THSD7B: variants seen among roughly 807,000 people sequenced by gnomAD.
The protein encoded by THSD7B is thrombospondin type 1 domain containing 7B, also known as thrombospondin type-1 domain-containing protein 7B.
A neutral mutation model predicts 213.6 loss-of-function variants in THSD7B; 138 were observed. The ratio of observed to expected loss-of-function variants is 0.65; its 90% confidence interval spans 0.56 to 0.74. The LOEUF is 0.74. THSD7B is among the 30% of genes least tolerant of loss of function. The pLI is 0.00. For missense variants in THSD7B, 1,931 were observed against 1,991.5 expected (o/e 0.97, Z 0.58); for synonymous variants, 742 against 687.0 (o/e 1.08, Z -1.25).
chr2:137,574,123 C>T (rs970450654), intron 17 of THSD7B, among the ~76,000 whole-genome samples: 3 of 152,022 alleles, frequency 2.0e-5, no homozygotes, highest in African/African-American at 4.8e-5. Flanking sequence ...CTAATTTACT[C>T]ACAGAAGACT....
At chr2:137,076,588 C>G (rs917316138) in intron 3 of THSD7B, among the ~76,000 whole-genome samples, 1 of 152,162 alleles carries the variant, frequency 6.6e-6, no homozygotes, top group South Asian at 2.1e-4. Context: ...GTGCGCTGCA[C>G]CCACCGTCCT....
chr2:137,352,588 A>G (rs551564050), intron 12 of THSD7B, among the ~76,000 whole-genome samples: 12 of 152,008 alleles, frequency 7.9e-5, no homozygotes, highest in Non-Finnish European at 1.2e-4. Flanking sequence ...CAGGATTCAA[A>G]TTTTCTGCCA....
chr2:137,525,371 T>G (rs1680259393), intron 15 of THSD7B, among the ~76,000 whole-genome samples: 1 of 152,176 alleles, frequency 6.6e-6, no homozygotes. Context: ...CCTAGGTAGC[T>G]GCAAACCTCT....
At chr2:137,128,403 C>A (rs1688665379) in intron 5 of THSD7B, among the ~76,000 whole-genome samples, 1 of 152,142 alleles carries the variant, frequency 6.6e-6, no homozygotes, top group Non-Finnish European at 1.5e-5. Context: ...TTATCAACAA[C>A]CATTGTGACA....
intron 6 of THSD7B, among the ~76,000 whole-genome samples, chr2:137,166,016 G>A (rs1239424107): frequency 6.6e-6 from 1 of 152,152 alleles, no homozygotes; most frequent in Non-Finnish European, 1.5e-5. Flanking sequence ...GAAGAAATTA[G>A]TTACTATAGA....
rs117358631 is a variant in THSD7B, at chr2:136,973,257, T to C, written c.140-83163T>C. ...TCTGTACTGTCCATTCTGAATGTTA[T>C]GCTTCCTTAGCTGACCTCGCTTTCC... On this transcript the variant is annotated intron_variant, in intron 2 of 27. Transcript: ENST00000409968. Among the ~76,000 whole-genome samples, 249 of 152,312 alleles carry C rather than the reference T, an allele frequency of 1.6e-3. 4 individuals carry two copies. The East Asian group carries it at 0.044, about 27-fold the overall frequency.
At chr2:136,930,745 A>G (rs1279221806) in intron 2 of THSD7B, among the ~76,000 whole-genome samples, 3 of 152,228 alleles carry the variant, frequency 2.0e-5, no homozygotes, top group Non-Finnish European at 4.4e-5. Context: ...CTCAGAGAGA[A>G]AAAATACCAC....
chr2:137,524,456 A>G (rs148344262), intron 15 of THSD7B, among the ~76,000 whole-genome samples: 310 of 152,192 alleles, frequency 2.0e-3, no homozygotes, highest in African/African-American at 7.2e-3. Context: ...TTGGAGTACA[A>G]AGTGCTTCTT....
At chr2:137,274,442 C>T (rs140637706) in intron 11 of THSD7B, among the ~76,000 whole-genome samples, 11 of 152,110 alleles carry the variant, frequency 7.2e-5, no homozygotes, top group African/African-American at 1.7e-4. Flanking sequence ...ACAGCATGGG[C>T]GCCTTTATCC....
intron 15 of THSD7B, among the ~76,000 whole-genome samples, chr2:137,469,713 C>T (rs1247361810): frequency 6.6e-6 from 1 of 152,098 alleles, no homozygotes; most frequent in African/African-American, 2.4e-5. Flanking sequence ...ACAGTAAGGA[C>T]AGTGGTTTCA....
intron 15 of THSD7B, among the ~76,000 whole-genome samples, chr2:137,485,355 G>A (rs1198863791): frequency 1.3e-5 from 2 of 151,456 alleles, no homozygotes; most frequent in African/African-American, 4.9e-5. Flanking sequence ...TATTTCTGAG[G>A]GCTGTGTTCT....
intron 3 of THSD7B, among the ~76,000 whole-genome samples, chr2:137,089,445 C>CGT: frequency 6.7e-6 from 1 of 148,512 alleles, no homozygotes; most frequent in Non-Finnish European, 1.5e-5. Context: ...TATATATGTG[C>CGT]GTGTGTGTGT....
intron 1 of THSD7B, among the ~76,000 whole-genome samples, chr2:136,850,874 A>G (rs1286834892): frequency 6.6e-6 from 1 of 151,890 alleles, no homozygotes; most frequent in African/African-American, 2.4e-5. Context: ...TAAAAGCCCT[A>G]GTGTTTATAT....
chr2:136,933,766 A>G (rs1339817365), intron 2 of THSD7B, among the ~76,000 whole-genome samples: 1 of 152,014 alleles, frequency 6.6e-6, no homozygotes, highest in Non-Finnish European at 1.5e-5. Context: ...AGTCTACTAT[A>G]TTCTCTTTTC....
chr2:137,161,626 T>A (rs1355645502), intron 6 of THSD7B, among the ~76,000 whole-genome samples: 1 of 152,174 alleles, frequency 6.6e-6, no homozygotes, highest in Non-Finnish European at 1.5e-5. Flanking sequence ...TAACTTTCAT[T>A]CTTTTATCAA....
chr2:137,235,057 A>T (rs1681734451), intron 9 of THSD7B, among the ~76,000 whole-genome samples: 1 of 152,182 alleles, frequency 6.6e-6, no homozygotes, highest in Non-Finnish European at 1.5e-5. Flanking sequence ...AATATGGACA[A>T]TAACATTTAG....
chr2:137,644,633 A>C (rs982299873), intron 21 of THSD7B, among the ~76,000 whole-genome samples: 1 of 152,214 alleles, frequency 6.6e-6, no homozygotes, highest in African/African-American at 2.4e-5. Context: ...AAAATTTACT[A>C]TACTTAAATT....
At chr2:136,864,795 G>T (rs183244876) in intron 1 of THSD7B, among the ~76,000 whole-genome samples, 35 of 152,110 alleles carry the variant, frequency 2.3e-4, no homozygotes, top group Non-Finnish European at 4.9e-4. Flanking sequence ...CTCATTATCC[G>T]CCCACCTTGG....
Position 136,997,559 on chromosome 2 carries a change from G to T in THSD7B, c.140-58861G>T, listed in dbSNP as rs562749314. On this transcript the variant is annotated intron_variant, in intron 2 of 27. Transcript: ENST00000409968. ...ATTCATATTGGAAAGTGGAAAGCGG[G>T]GCATAAGTGCCACCAGAAGTGGGAA... 7.9e-5 allele frequency among the ~76,000 whole-genome samples: 12 copies of T among 152,242 alleles called. No individual in the cohort carries two copies. The East Asian group carries it at 2.3e-3, about 29-fold the overall frequency.
Sources: gnomAD v4.1 joint callset for allele counts (sites outside exome capture counted in the v4.1 genomes callset) on GRCh38, gnomAD v4.1.1 for gene constraint, MANE v1.5 for transcripts, NCBI Gene and HGNC (gene_info 2026-07-23, HGNC 2026-07-21) for gene names.